The following AOX1 variants were observed in gnomAD, a reference collection of about 807,000 sequenced individuals.
The protein encoded by AOX1 is aldehyde oxidase.
AOX1 carries 153 observed loss-of-function variants against 169.5 expected under a neutral mutation model. The observed-to-expected ratio is 0.90, with a 90% CI of 0.79 to 1.03. The LOEUF is 1.03. AOX1 is among the 50% of genes least tolerant of loss of function. The probability of loss-of-function intolerance (pLI) is 0.00; values close to 1 mark genes in which losing one functional copy is unlikely to be tolerated. For missense variants in AOX1, 1,656 were observed against 1,663.9 expected, an observed-to-expected ratio of 1.00 and a Z score of 0.08; for synonymous variants, 562 against 581.9, an observed-to-expected ratio of 0.97 and a Z score of 0.49.
chr2:200,671,567 A>T (rs2036029398), downstream of AOX1: 1 of 152,228 alleles, frequency 6.6e-6, no homozygotes, highest in Non-Finnish European at 1.5e-5. Flanking sequence ...GCTCAAACTC[A>T]TTAGTCATTA....
downstream of AOX1, among the ~76,000 whole-genome samples, chr2:200,672,962 C>T (rs574359935): frequency 1.3e-5 from 2 of 152,318 alleles, no homozygotes; most frequent in East Asian, 3.9e-4. Flanking sequence ...CGGGGGCAGC[C>T]ATGTAGAACC....
downstream of AOX1, among the ~76,000 whole-genome samples, chr2:200,677,843 A>G (rs554728319): frequency 5.3e-5 from 8 of 152,288 alleles, no homozygotes; most frequent in African/African-American, 1.9e-4. Context: ...AGGAAGAGAT[A>G]AAGTTGAAAC....
At chr2:200,642,137 A>AG (rs1330355923) in intron 24 of AOX1, among the ~76,000 whole-genome samples, 2 of 152,168 alleles carry the variant, frequency 1.3e-5, no homozygotes, top group African/African-American at 2.4e-5. Context: ...CTAAAAAAAA[A>AG]AGAGTTTCAA....
rs765133560 is a variant in AOX1 at position 200,636,996 on chromosome 2, T to C, written c.2432T>C (p.Val811Ala). 1.9e-6 allele frequency: 3 copies of C among 1,614,076 alleles called. No homozygotes were observed. Among genetic ancestry groups the C allele is most frequent in the Non-Finnish European group, 2.5e-6 (3 of 1,179,990 alleles). ...RRVGGAFGGK[V>A]LKTGIIAAVT... ...GTTGGTGGAGCGTTTGGAGGGAAGG[T>C]GTTAAAAACCGGAATCATTGCAGCC... is the stretch of plus-strand genomic sequence containing the variant. The change falls in exon 22 of 35, where the codon GTG becomes GCG. Residue 811 changes from valine to alanine, a missense_variant. Physicochemically the swap from Val to Ala is moderately conservative, Grantham distance 64. Coordinates refer to ENST00000374700, the MANE Select transcript of AOX1 (RefSeq NM_001159.4).
At chr2:200,615,572 G>T (rs1264007341) in intron 15 of AOX1, among the ~76,000 whole-genome samples, 1 of 152,160 alleles carries the variant, frequency 6.6e-6, no homozygotes, top group Non-Finnish European at 1.5e-5. Context: ...ATTTGCAATG[G>T]TGTACTTTGA....
At chr2:200,625,739 A>G (rs772672922) in intron 19 of AOX1, among the ~76,000 whole-genome samples, 2 of 152,236 alleles carry the variant, frequency 1.3e-5, no homozygotes, top group Admixed American at 6.5e-5. Flanking sequence ...ACTTTTAAAA[A>G]TAGGATTTAT....
chr2:200,621,722 C>T (rs1163025350), intron 18 of AOX1, among the ~76,000 whole-genome samples: 3 of 150,230 alleles, frequency 2.0e-5, no homozygotes, highest in East Asian at 2.0e-4. Context: ...ATTTATATTT[C>T]CATGTGTTAA....
rs989871882 is a variant in AOX1, at chr2:200,649,868, A to G, written c.2848-1106A>G. Among the ~76,000 whole-genome samples, 3 of 152,258 alleles carry G rather than the reference A, an allele frequency of 2.0e-5. No individual in the cohort carries two copies. In the South Asian group the frequency reaches 6.2e-4, roughly 31 times the overall value. ...GTGTGACTTCTCCCGGCAAGCTCAC[A>G]GTCCTCTCTTTGGACAGATGTCACT... On this transcript the variant is annotated intron_variant, in intron 25 of 34. Coordinates refer to ENST00000374700, the MANE Select transcript of AOX1 (RefSeq NM_001159.4).
chr2:200,592,727 A>T (rs1474203853), intron 1 of AOX1, among the ~76,000 whole-genome samples: 1 of 152,184 alleles, frequency 6.6e-6, no homozygotes, highest in African/African-American at 2.4e-5. Context: ...TTAAAAATTA[A>T]CTATATCAAT....
Position 200,659,814 on chromosome 2 carries a change from ACACACACACACGTG to A in AOX1, c.3301-173_3301-160del, listed in dbSNP as rs1217230683. On this transcript the variant is annotated intron_variant, in intron 28 of 34. Transcript: ENST00000374700. ...CACACACACACACACACACACACAC[ACACACACACACGTG>A]CACACACTCATATGAAACCTTTCAT... Among the ~76,000 whole-genome samples, 21 of 146,616 alleles carry A rather than the reference ACACACACACACGTG, an allele frequency of 1.4e-4. 1 individual carries two copies. The highest frequency in any genetic ancestry group is 5.7e-4 in the African/African-American group (21 of 37,040).
intron 21 of AOX1, among the ~76,000 whole-genome samples, chr2:200,635,506 C>T (rs1047201485): frequency 1.3e-5 from 2 of 152,134 alleles, no homozygotes; most frequent in Admixed American, 1.3e-4. Flanking sequence ...CTAGAATCAT[C>T]CAGGAAGTCC....
downstream of AOX1, chr2:200,678,567 A>C (rs2036128274): frequency 6.6e-6 from 1 of 152,226 alleles, no homozygotes; most frequent in African/African-American, 2.4e-5. Context: ...AATGATTCTT[A>C]CTATTCAGAA....
intron 1 of AOX1, among the ~76,000 whole-genome samples, chr2:200,588,923 G>A (rs538172772): frequency 6.6e-6 from 1 of 151,652 alleles, no homozygotes; most frequent in East Asian, 1.9e-4. Flanking sequence ...CAAAGTGCTG[G>A]GATTACAGGC....
chr2:200,632,041 C>A (rs1204156944), intron 20 of AOX1, among the ~76,000 whole-genome samples: 1 of 151,934 alleles, frequency 6.6e-6, no homozygotes, highest in South Asian at 2.1e-4. Flanking sequence ...ATTTTTTATG[C>A]AAATTGAGGG....
At chr2:200,643,386 T>TACACAC (rs71405400) in intron 25 of AOX1, among the ~76,000 whole-genome samples, 1 of 149,356 alleles carries the variant, frequency 6.7e-6, no homozygotes, top group African/African-American at 2.5e-5. Context: ...TATATATATA[T>TACACAC]ACACACACAC....
chr2:200,606,883 C>T (rs961382071), intron 10 of AOX1, among the ~76,000 whole-genome samples: 1 of 152,126 alleles, frequency 6.6e-6, no homozygotes, highest in African/African-American at 2.4e-5. Flanking sequence ...AGTTTTTGGG[C>T]TGAGACGATG....
At chr2:200,599,554 G>T (rs2034358434) in intron 4 of AOX1, 66 bp from the exon 5 acceptor site, 3 of 1,287,340 alleles carry the variant, frequency 2.3e-6, no homozygotes, top group Non-Finnish European at 3.2e-6. Context: ...TAGAATGCAG[G>T]CTCTAATTCA....
At chr2:200,608,890 A>T in intron 10 of AOX1, 94 bp from the exon 11 acceptor site, 3 of 1,089,578 alleles carry the variant, frequency 2.8e-6, no homozygotes, top group East Asian at 2.4e-5. Flanking sequence ...GCATGTATCC[A>T]GTATAAAGAT....
chr2:200,599,623 A>G lies in AOX1; in HGVS notation c.313A>G (p.Arg105Gly), dbSNP rs1413624173. The change falls in exon 5 of 35, where the codon AGG becomes GGG. Residue 105 changes from arginine to glycine, a missense_variant. Arg to Gly is a moderately radical substitution (Grantham distance 125, BLOSUM62 -2). Coordinates refer to ENST00000374700, the MANE Select transcript of AOX1 (RefSeq NM_001159.4). ...THTRIHPVQE[R>G]IAKCHGTQCG... ...TCTAACCTTTCTGTGCTTCCAGGAG[A>G]GGATTGCCAAGTGTCATGGCACCCA... The G allele has an allele frequency of 6.2e-7, 1 of 1,608,334 alleles. No homozygotes were observed. Among genetic ancestry groups the G allele is most frequent in the Non-Finnish European group, 8.5e-7 (1 of 1,177,648 alleles).
Sources: gnomAD v4.1 joint callset for allele counts (sites outside exome capture counted in the v4.1 genomes callset) on GRCh38, gnomAD v4.1.1 for gene constraint, MANE v1.5 for transcripts, NCBI Gene and HGNC (gene_info 2026-07-23, HGNC 2026-07-21) for gene names.